Variants in RBFOX1 observed in about 807,000 individuals in gnomAD.
RBFOX1 encodes RNA binding protein fox-1 homolog 1.
RBFOX1 carries 8 observed loss-of-function variants against 57.7 expected under a neutral mutation model. That is an observed-to-expected ratio of 0.14 (90% CI 0.08 to 0.25). The LOEUF is 0.25. Ranked by LOEUF, RBFOX1 falls within the 10% of genes least tolerant of loss-of-function variation. The pLI is 1.00. For missense variants in RBFOX1, 611 were observed against 548.5 expected (o/e 1.11, Z -1.14); for synonymous variants, 326 against 222.4 (o/e 1.47, Z -4.15).
chr16:6,244,726 T>C (rs1048034148), intron 1 of RBFOX1, among the ~76,000 whole-genome samples: 1 of 152,188 alleles, frequency 6.6e-6, no homozygotes, highest in Non-Finnish European at 1.5e-5. Context: ...GCTAGGCTGG[T>C]CTTGAACTCC....
chr16:6,889,583 G>C lies in RBFOX1; in HGVS notation c.-15-162474G>C, dbSNP rs148162891. On this transcript the variant is annotated intron_variant, in intron 3 of 15. Transcript: ENST00000550418. ...TGGTTAGTATTTGCAACATATACATGTCGAATTCCCGACTAGTTTGTGGAG... is the reference window on the plus strand; with the variant it reads ...TGGTTAGTATTTGCAACATATACATCTCGAATTCCCGACTAGTTTGTGGAG... 6.7e-3 allele frequency among the ~76,000 whole-genome samples: 1,024 copies of C among 151,866 alleles called. 10 individuals carry two copies. The highest frequency in any genetic ancestry group is 0.023 in the African/African-American group (969 of 41,528).
intron 2 of RBFOX1, among the ~76,000 whole-genome samples, chr16:6,566,979 C>G (rs963606807): frequency 3.9e-5 from 6 of 152,182 alleles, no homozygotes; most frequent in Admixed American, 3.3e-4. Context: ...TAATGACTAC[C>G]TGTCCCAGCT....
intron 3 of RBFOX1, among the ~76,000 whole-genome samples, chr16:5,610,915 C>T (rs1414968813): frequency 5.9e-5 from 9 of 152,076 alleles, no homozygotes; most frequent in Non-Finnish European, 1.2e-4. Context: ...CCTCTAGTCC[C>T]TGGCTGGCTG....
rs1294376006 is a variant in RBFOX1 at position 7,607,101 on chromosome 16, A to T, written c.623-184A>T. Among the ~76,000 whole-genome samples, 3 of 152,200 alleles carry T rather than the reference A, an allele frequency of 2.0e-5. No individual in the cohort carries two copies. In the East Asian group the frequency reaches 5.8e-4, roughly 29 times the overall value. On this transcript the variant is annotated intron_variant, in intron 9 of 15. Transcript: ENST00000550418. ...ACTTGCACTGGCAGAAAATCAAAGA[A>T]GGGCATAAATATATTTTCTTATGTG...
intron 2 of RBFOX1, among the ~76,000 whole-genome samples, chr16:6,652,704 C>G (rs1019067435): frequency 9.9e-5 from 15 of 151,934 alleles, no homozygotes; most frequent in African/African-American, 3.4e-4. Context: ...TGAGAGGAGT[C>G]TAGAGTAGCA....
intron 2 of RBFOX1, among the ~76,000 whole-genome samples, chr16:6,445,591 A>C (rs1019155245): frequency 6.7e-5 from 3 of 44,750 alleles, no homozygotes; most frequent in Non-Finnish European, 1.3e-4. Flanking sequence ...TTTGAGATGG[A>C]GTTTTTTTTT....
chr16:7,023,794 T>C (rs1449922199), intron 3 of RBFOX1, among the ~76,000 whole-genome samples: 1 of 152,012 alleles, frequency 6.6e-6, no homozygotes, highest in Non-Finnish European at 1.5e-5. Flanking sequence ...TCGGCATCCT[T>C]CTGAACACTC....
At chr16:7,224,694 G>C (rs902936616) in intron 4 of RBFOX1, among the ~76,000 whole-genome samples, 1 of 152,178 alleles carries the variant, frequency 6.6e-6, no homozygotes. Flanking sequence ...TATTTGGGGA[G>C]AGCAATGAAT....
intron 3 of RBFOX1, among the ~76,000 whole-genome samples, chr16:6,797,844 C>T (rs780734841): frequency 3.9e-5 from 6 of 152,110 alleles, no homozygotes; most frequent in Non-Finnish European, 7.4e-5. Context: ...TAGAACCACT[C>T]GACTTGAGTT....
At chr16:6,072,838 C>T (rs2095853087) in intron 1 of RBFOX1, among the ~76,000 whole-genome samples, 1 of 152,004 alleles carries the variant, frequency 6.6e-6, no homozygotes, top group East Asian at 1.9e-4. Flanking sequence ...TCCACATGTC[C>T]AAATAAAGGG....
chr16:5,331,255 C>G (rs1400015535), intron 1 of RBFOX1, among the ~76,000 whole-genome samples: 1 of 152,232 alleles, frequency 6.6e-6, no homozygotes. Context: ...TCGTTCATCA[C>G]CAGATGGTTG....
intron 3 of RBFOX1, among the ~76,000 whole-genome samples, chr16:6,875,989 C>T (rs1474087011): frequency 6.6e-6 from 1 of 151,424 alleles, no homozygotes; most frequent in Non-Finnish European, 1.5e-5. Context: ...CACAGTGGAA[C>T]TTGTCTCAAA....
intron 3 of RBFOX1, among the ~76,000 whole-genome samples, chr16:6,755,858 G>A (rs1479492322): frequency 1.3e-5 from 2 of 152,124 alleles, no homozygotes; most frequent in Non-Finnish European, 2.9e-5. Context: ...CTGCCAAAAG[G>A]TGAAATTGAC....
intron 4 of RBFOX1, among the ~76,000 whole-genome samples, chr16:7,375,090 C>G (rs142501305): frequency 6.4e-4 from 97 of 152,286 alleles, no homozygotes; most frequent in Non-Finnish European, 1.1e-3. Context: ...TTTATTTCTG[C>G]TATGTTTCAG....
intron 13 of RBFOX1, among the ~76,000 whole-genome samples, chr16:7,667,314 TC>T (rs1435482168): frequency 6.6e-6 from 1 of 152,028 alleles, no homozygotes; most frequent in African/African-American, 2.4e-5. Flanking sequence ...GAACAAGAGG[TC>T]TTTGATGACC....
At chr16:5,871,861 T>C (rs1319166072) in intron 4 of RBFOX1, among the ~76,000 whole-genome samples, 1 of 152,228 alleles carries the variant, frequency 6.6e-6, no homozygotes, top group Non-Finnish European at 1.5e-5. Flanking sequence ...TGCTTTTATT[T>C]CATGGCAAAG....
chr16:7,447,878 T>C (rs1049059771), intron 4 of RBFOX1, among the ~76,000 whole-genome samples: 1 of 152,246 alleles, frequency 6.6e-6, no homozygotes. Context: ...GAATTAGCTG[T>C]ATCAGCATCA....
At chr16:6,662,989 C>G (rs115645784) in intron 3 of RBFOX1, among the ~76,000 whole-genome samples, 2,816 of 152,228 alleles carry the variant, frequency 0.018, 91 homozygotes, top group African/African-American at 0.064. Flanking sequence ...GTAGGAAACA[C>G]TGTTTTCTAC....
chr16:7,124,368 C>G (rs1422662429), intron 4 of RBFOX1, among the ~76,000 whole-genome samples: 1 of 152,144 alleles, frequency 6.6e-6, no homozygotes, highest in East Asian at 1.9e-4. Context: ...AAGCCAAGAT[C>G]ACAGCACTGC....
Sources: allele counts gnomAD v4.1 joint callset (sites outside exome capture counted in the v4.1 genomes callset), GRCh38; gene constraint gnomAD v4.1.1; transcripts MANE v1.5; gene names NCBI Gene and HGNC (gene_info 2026-07-23, HGNC 2026-07-21).